Variants in CFAP299 observed in about 807,000 individuals in gnomAD.
CFAP299 encodes cilia and flagella associated protein 299.
Under a neutral mutation model 27.0 loss-of-function variants are expected in CFAP299, and 21 were observed. The observed-to-expected ratio is 0.78, with a 90% CI of 0.55 to 1.12. The LOEUF (loss-of-function observed/expected upper bound fraction) is 1.12, where lower values mean the gene tolerates loss of function less well. Among genes scored for constraint, CFAP299 ranks in the 50% most tolerant of loss-of-function variants. The probability of loss-of-function intolerance (pLI) is 0.00; values close to 1 mark genes in which losing one functional copy is unlikely to be tolerated. For missense variants in CFAP299, 310 were observed against 276.6 expected, an observed-to-expected ratio of 1.12 and a Z score of -0.86; for synonymous variants, 104 against 98.1, an observed-to-expected ratio of 1.06 and a Z score of -0.36.
At chr4:80,558,774 C>T (rs1021166916) in intron 2 of CFAP299, among the ~76,000 whole-genome samples, 1 of 151,794 alleles carries the variant, frequency 6.6e-6, no homozygotes, top group African/African-American at 2.4e-5. Flanking sequence ...AAGGTATCTG[C>T]AGACTGACCT....
intron 3 of CFAP299, among the ~76,000 whole-genome samples, chr4:80,602,380 C>T (rs553032581): frequency 6.6e-6 from 1 of 152,070 alleles, no homozygotes; most frequent in African/African-American, 2.4e-5. Context: ...TAAGAAATAA[C>T]ATAATAAAAT....
intron 3 of CFAP299, among the ~76,000 whole-genome samples, chr4:80,800,337 T>C (rs1377647080): frequency 2.8e-5 from 2 of 71,220 alleles, no homozygotes; most frequent in Non-Finnish European, 4.7e-5. Flanking sequence ...TATTAATATA[T>C]ATAATATATA....
At chr4:80,461,751 T>A (rs868311210) in intron 2 of CFAP299, among the ~76,000 whole-genome samples, 1 of 152,320 alleles carries the variant, frequency 6.6e-6, no homozygotes, top group Middle Eastern at 3.4e-3. Flanking sequence ...TATTCAGGGA[T>A]CATCCTGTAT....
chr4:80,931,149 G>T (rs752578964), intron 4 of CFAP299, among the ~76,000 whole-genome samples: 1 of 67,224 alleles, frequency 1.5e-5, no homozygotes, highest in East Asian at 4.2e-4. Flanking sequence ...AATAATAAGT[G>T]AGTGAGTGAG....
chr4:80,322,004 T>C, the CFAP299 span, among the ~76,000 whole-genome samples: 1 of 152,110 alleles, frequency 6.6e-6, no homozygotes, highest in Non-Finnish European at 1.5e-5. Flanking sequence ...CTGGGCCTGA[T>C]ACCCAAGGAG....
At chr4:80,495,356 A>T (rs919937038) in intron 2 of CFAP299, among the ~76,000 whole-genome samples, 1 of 152,242 alleles carries the variant, frequency 6.6e-6, no homozygotes, top group East Asian at 1.9e-4. Context: ...ATAAAGAAAC[A>T]TTCAGACATT....
At chr4:80,827,319 G>T (rs1730040551) in intron 3 of CFAP299, among the ~76,000 whole-genome samples, 1 of 151,716 alleles carries the variant, frequency 6.6e-6, no homozygotes, top group African/African-American at 2.4e-5. Flanking sequence ...CAAAATGCTA[G>T]AAAACTGATT....
At chr4:80,855,372 A>T (rs1731789627) in intron 3 of CFAP299, among the ~76,000 whole-genome samples, 1 of 151,768 alleles carries the variant, frequency 6.6e-6, no homozygotes, top group Admixed American at 6.6e-5. Flanking sequence ...AAATCATCTT[A>T]TTCTTTTTTA....
chr4:80,609,004 A>G (rs1324785955), intron 3 of CFAP299, among the ~76,000 whole-genome samples: 1 of 152,068 alleles, frequency 6.6e-6, no homozygotes, highest in East Asian at 1.9e-4. Context: ...GCCTACATTT[A>G]ACTTTATTTT....
Position 80,891,785 on chromosome 4 carries a change from A to ATAAAT in CFAP299, c.476+21650_476+21651insTAAAT, listed in dbSNP as rs1553903774. Among the ~76,000 whole-genome samples the ATAAAT allele has an allele frequency of 2.8e-3, 326 of 115,898 alleles. 6 individuals are homozygous for ATAAAT. Among genetic ancestry groups the ATAAAT allele is most frequent in the African/African-American group, 0.013 (288 of 22,638 alleles). 76.0% of individuals were successfully genotyped at this position (115,898 alleles called of 152,430 possible). A position where few individuals can be genotyped will look rare whatever the true frequency, so the allele number is the denominator to read the frequency against. On this transcript the variant is annotated intron_variant, in intron 4 of 5. Transcript: ENST00000358105. ...TATAATAAAAAAAAAAATTAAAAAA[A>ATAAAT]AAATAAAAAAAAAAATAAAAGCTTT... is the stretch of plus-strand genomic sequence containing the variant.
At position 80,572,663 on chromosome 4, in the gene CFAP299, A is replaced by G. The variant is rs150241222; in HGVS notation, c.243-10430A>G. Among the ~76,000 whole-genome samples, 362 of 151,524 alleles carry G rather than the reference A, an allele frequency of 2.4e-3. 1 individual carries two copies. The highest frequency in any genetic ancestry group is 8.3e-3 in the African/African-American group (343 of 41,370). ...CTCCCGAGTAGCTGGGATTACAGAC[A>G]TGCGTCACCACGCTTGGCTAATTTT... On this transcript the variant is annotated intron_variant, in intron 2 of 5. Coordinates refer to ENST00000358105, the MANE Select transcript of CFAP299 (RefSeq NM_152770.3).
chr4:80,835,276 T>G (rs531042302), intron 3 of CFAP299, among the ~76,000 whole-genome samples: 179 of 152,018 alleles, frequency 1.2e-3, no homozygotes, highest in African/African-American at 4.1e-3. Flanking sequence ...ATTTTTTGTA[T>G]TTTAGTAGAG....
At chr4:80,383,847 GT>G (rs140855851) in intron 2 of CFAP299, among the ~76,000 whole-genome samples, 16 of 150,960 alleles carry the variant, frequency 1.1e-4, no homozygotes, top group South Asian at 8.4e-4. Context: ...TTATCTATCT[GT>G]TTTTTTTTGT....
Position 80,944,800 on chromosome 4 carries a change from A to AT in CFAP299, c.477-5dup. On this transcript the variant is annotated splice_polypyrimidine_tract_variant and intron_variant, in intron 4 of 5. Coordinates refer to ENST00000358105, the MANE Select transcript of CFAP299 (RefSeq NM_152770.3). ...ACATCTTAATTCCTAATAAATGTTT[A>AT]TTTTTATAGCTTTTACAACTGGGAC... is the stretch of plus-strand genomic sequence containing the variant. The AT allele has an allele frequency of 6.3e-7, 1 of 1,578,010 alleles. No individual in the cohort carries two copies. The highest frequency in any genetic ancestry group is 8.6e-7 in the Non-Finnish European group (1 of 1,159,152).
chr4:80,913,732 A>T (rs541731934), intron 4 of CFAP299, among the ~76,000 whole-genome samples: 1 of 152,310 alleles, frequency 6.6e-6, no homozygotes, highest in Admixed American at 6.5e-5. Context: ...AAATTTCTAT[A>T]TTTTAAAGTG....
At chr4:80,687,357 G>A (rs77471611) in intron 3 of CFAP299, among the ~76,000 whole-genome samples, 1 of 152,100 alleles carries the variant, frequency 6.6e-6, no homozygotes, top group East Asian at 1.9e-4. Context: ...CCTAATAGGA[G>A]CTTTGTAAAT....
intron 3 of CFAP299, among the ~76,000 whole-genome samples, chr4:80,786,332 TG>T (rs2110095330): frequency 6.6e-6 from 1 of 152,238 alleles, no homozygotes; most frequent in East Asian, 1.9e-4. Context: ...CAAATTACTT[TG>T]GCTATTTGAT....
intron 3 of CFAP299, among the ~76,000 whole-genome samples, chr4:80,775,686 A>G (rs960319171): frequency 6.6e-6 from 1 of 152,138 alleles, no homozygotes; most frequent in Non-Finnish European, 1.5e-5. Context: ...TATGTTTGTA[A>G]AAAGGCTTAA....
intron 3 of CFAP299, among the ~76,000 whole-genome samples, chr4:80,834,392 G>T (rs1436271659): frequency 1.3e-5 from 2 of 152,160 alleles, no homozygotes; most frequent in African/African-American, 2.4e-5. Context: ...TGAGAAAGTG[G>T]CTGGAACATA....
Sources: allele counts gnomAD v4.1 joint callset (sites outside exome capture counted in the v4.1 genomes callset), GRCh38; gene constraint gnomAD v4.1.1; transcripts MANE v1.5; gene names NCBI Gene and HGNC (gene_info 2026-07-23, HGNC 2026-07-21).